The following ARID2 variants were observed in gnomAD, a reference collection of about 807,000 sequenced individuals.
ARID2 encodes the protein AT-rich interaction domain 2.
Under a neutral mutation model 184.6 loss-of-function variants are expected in ARID2, and 32 were observed. That is an observed-to-expected ratio of 0.17 (90% CI 0.13 to 0.23). ARID2 has a LOEUF of 0.23. ARID2 is among the 10% of genes least tolerant of loss of function. The probability of loss-of-function intolerance (pLI) is 1.00; values close to 1 mark genes in which losing one functional copy is unlikely to be tolerated. For synonymous variants in ARID2, 836 were observed against 772.6 expected (o/e 1.08, Z -1.36); for missense variants, 1,696 against 2,197.6 (o/e 0.77, Z 4.56).
At chr12:45,810,876 T>C (rs1446360393) in intron 3 of ARID2, among the ~76,000 whole-genome samples, 2 of 152,196 alleles carry the variant, frequency 1.3e-5, no homozygotes, top group Admixed American at 6.5e-5. Flanking sequence ...ATTTGAATAG[T>C]GGTATGGTCT....
chr12:45,869,986 AT>A (rs373618781), intron 16 of ARID2, among the ~76,000 whole-genome samples: 1 of 151,334 alleles, frequency 6.6e-6, no homozygotes, highest in African/African-American at 2.4e-5. Flanking sequence ...CTAATAAACC[AT>A]TTTTTTTGTT....
chr12:45,807,452 T>A (rs951336301), intron 3 of ARID2, among the ~76,000 whole-genome samples: 12 of 152,158 alleles, frequency 7.9e-5, no homozygotes, highest in Admixed American at 6.5e-4. Context: ...TATCTGAGAA[T>A]TGCTTTAAAA....
chr12:45,903,879 T>G (rs1032283988), intron 20 of ARID2, among the ~76,000 whole-genome samples: 3 of 152,128 alleles, frequency 2.0e-5, no homozygotes, highest in Admixed American at 1.3e-4. Context: ...TAATATAAAA[T>G]TTTTCACACA....
intron 3 of ARID2, among the ~76,000 whole-genome samples, chr12:45,752,862 G>A (rs1253023111): frequency 6.6e-6 from 1 of 152,256 alleles, no homozygotes; most frequent in Non-Finnish European, 1.5e-5. Context: ...GTTATCTTGA[G>A]AGGAAGTCAT....
chr12:45,891,702 A>T (rs1290929311), intron 16 of ARID2, 78 bp from the exon 17 acceptor site: 14 of 1,496,352 alleles, frequency 9.4e-6, no homozygotes, highest in Non-Finnish European at 1.3e-5. Flanking sequence ...ACTTGGAAAT[A>T]TAAGCAGAGA....
intron 16 of ARID2, among the ~76,000 whole-genome samples, chr12:45,883,096 A>G (rs1338484496): frequency 2.0e-5 from 3 of 152,174 alleles, no homozygotes; most frequent in African/African-American, 7.2e-5. Context: ...TATAATTTGA[A>G]CTAATGAGCC....
chr12:45,784,423 A>G (rs1942155710), intron 3 of ARID2, among the ~76,000 whole-genome samples: 1 of 152,240 alleles, frequency 6.6e-6, no homozygotes, highest in South Asian at 2.1e-4. Context: ...CTAAGAATAA[A>G]CACAATGAGA....
At chr12:45,876,823 C>T (rs2138211775) in intron 16 of ARID2, among the ~76,000 whole-genome samples, 1 of 150,076 alleles carries the variant, frequency 6.7e-6, no homozygotes, top group African/African-American at 2.4e-5. Context: ...GGCGTGGTGG[C>T]TCACGCCTGT....
In ARID2 at chr12:45,882,906, G is replaced by T. The variant is rs75939120; in HGVS notation, c.4923-8874G>T. ...TAACATATTTTTGACTAAGTTAAAT[G>T]AATGAAGTTTACCTAGCTTGATTCT... is the stretch of plus-strand genomic sequence containing the variant. On this transcript the variant is annotated intron_variant, in intron 16 of 20. Coordinates refer to ENST00000334344, the MANE Select transcript of ARID2 (RefSeq NM_152641.4). 2.0e-4 allele frequency among the ~76,000 whole-genome samples: 31 copies of T among 152,320 alleles called. No individual in the cohort carries two copies. In the East Asian group the frequency reaches 5.4e-3, roughly 27 times the overall value.
chr12:45,732,069 G>A (rs1941014796), intron 3 of ARID2, among the ~76,000 whole-genome samples: 1 of 149,534 alleles, frequency 6.7e-6, no homozygotes, highest in South Asian at 2.1e-4. Flanking sequence ...TTGTGATTTA[G>A]CGTTTTTTTT....
chr12:45,846,409 G>A (rs972112204), intron 11 of ARID2, among the ~76,000 whole-genome samples: 12 of 152,014 alleles, frequency 7.9e-5, no homozygotes, highest in South Asian at 4.1e-4. Context: ...TTCTGCTTCC[G>A]TAGCTAAACG....
intron 20 of ARID2, among the ~76,000 whole-genome samples, chr12:45,902,153 T>A (rs867396663): frequency 2.8e-4 from 42 of 152,330 alleles, no homozygotes; most frequent in African/African-American, 9.1e-4. Flanking sequence ...TTATTCTTTG[T>A]TAAATCATCT....
chr12:45,754,636 T>C (rs1044282102), intron 3 of ARID2, among the ~76,000 whole-genome samples: 1 of 152,226 alleles, frequency 6.6e-6, no homozygotes, highest in African/African-American at 2.4e-5. Flanking sequence ...TCTTATCTCA[T>C]CAAGCAGCTT....
chr12:45,787,064 A>G (rs1268028083), intron 3 of ARID2, among the ~76,000 whole-genome samples: 3 of 152,198 alleles, frequency 2.0e-5, no homozygotes, highest in Non-Finnish European at 4.4e-5. Context: ...GTTTCATATC[A>G]TGCTGACTAT....
chr12:45,874,100 G>C (rs766026564), intron 16 of ARID2: 3 of 152,240 alleles, frequency 2.0e-5, no homozygotes, highest in Non-Finnish European at 2.9e-5. Flanking sequence ...GATTGCTTGA[G>C]TCCAAGAGTT....
intron 2 of ARID2, among the ~76,000 whole-genome samples, chr12:45,730,413 C>T (rs1465464749): frequency 2.1e-5 from 3 of 144,196 alleles, no homozygotes; most frequent in East Asian, 2.1e-4. Context: ...GGGGTCTGAG[C>T]GCCGCGGCGG....
intron 16 of ARID2, among the ~76,000 whole-genome samples, chr12:45,873,703 GTAGT>G (rs1943961382): frequency 6.6e-6 from 1 of 152,166 alleles, no homozygotes; most frequent in Non-Finnish European, 1.5e-5. Flanking sequence ...ACACTATACT[GTAGT>G]TAATTAAGTG....
At chr12:45,861,422 T>C (rs1315645790) in intron 16 of ARID2, among the ~76,000 whole-genome samples, 1 of 152,192 alleles carries the variant, frequency 6.6e-6, no homozygotes, top group East Asian at 1.9e-4. Context: ...TCTTACAATT[T>C]AATTAAGATG....
At chr12:45,889,862 C>T (rs1470677246) in intron 16 of ARID2, among the ~76,000 whole-genome samples, 8 of 152,174 alleles carry the variant, frequency 5.3e-5, no homozygotes, top group African/African-American at 1.9e-4. Flanking sequence ...CGCTTGAACC[C>T]GGGAGGCAGA....
Sources: gnomAD v4.1 joint callset for allele counts (sites outside exome capture counted in the v4.1 genomes callset) on GRCh38, gnomAD v4.1.1 for gene constraint, MANE v1.5 for transcripts, NCBI Gene and HGNC (gene_info 2026-07-23, HGNC 2026-07-21) for gene names.